The following TMEM74 variants were observed in gnomAD, a reference collection of about 807,000 sequenced individuals.
The protein encoded by TMEM74 is transmembrane protein 74.
A neutral mutation model predicts 18.1 loss-of-function variants in TMEM74; 13 were observed. The ratio of observed to expected loss-of-function variants is 0.72; its 90% CI spans 0.47 to 1.14. TMEM74 has a LOEUF of 1.14. TMEM74 is among the 50% of genes most tolerant of loss of function. The pLI is 0.00. For missense variants in TMEM74, 372 were observed against 375.9 expected, an observed-to-expected ratio of 0.99 and a Z score of 0.09; for synonymous variants, 159 against 146.6, an observed-to-expected ratio of 1.08 and a Z score of -0.61.
intron 2 of TMEM74, among the ~76,000 whole-genome samples, chr8:108,647,624 A>G (rs2130568013): frequency 6.6e-6 from 1 of 152,264 alleles, no homozygotes; most frequent in South Asian, 2.1e-4. Flanking sequence ...ATGAAACTCT[A>G]TAATCAGAGT....
intron 1 of TMEM74, among the ~76,000 whole-genome samples, chr8:108,719,838 A>G (rs1405517593): frequency 6.6e-6 from 1 of 152,124 alleles, no homozygotes; most frequent in East Asian, 1.9e-4. Flanking sequence ...TTTGATCCAT[A>G]TTGCAAAATT....
intron 1 of TMEM74, among the ~76,000 whole-genome samples, chr8:108,752,275 C>G (rs1813911557): frequency 6.6e-6 from 1 of 152,046 alleles, no homozygotes; most frequent in African/African-American, 2.4e-5. Flanking sequence ...TTTCTCATCT[C>G]TAAGATAACA....
At chr8:108,645,246 T>C (rs1231890256) in intron 2 of TMEM74, among the ~76,000 whole-genome samples, 1 of 152,038 alleles carries the variant, frequency 6.6e-6, no homozygotes, top group Non-Finnish European at 1.5e-5. Context: ...CAAATTAGTA[T>C]AGGAACAGAA....
intron 1 of TMEM74, among the ~76,000 whole-genome samples, chr8:108,675,932 T>C (rs1229097338): frequency 6.6e-6 from 1 of 152,190 alleles, no homozygotes; most frequent in African/African-American, 2.4e-5. Flanking sequence ...ATATTATTCA[T>C]ATTAGTTATA....
intron 1 of TMEM74, among the ~76,000 whole-genome samples, chr8:108,678,716 A>T (rs1813081204): frequency 6.7e-6 from 1 of 148,654 alleles, no homozygotes. Flanking sequence ...TATAAGATTT[A>T]TTGCTTTTTA....
intron 1 of TMEM74, among the ~76,000 whole-genome samples, chr8:108,770,537 T>TA (rs1298525639): frequency 6.6e-6 from 1 of 152,180 alleles, no homozygotes; most frequent in East Asian, 1.9e-4. Context: ...AGCTTCCACA[T>TA]AAATTATTCA....
At chr8:108,648,340 G>A (rs1812741329) in intron 2 of TMEM74, among the ~76,000 whole-genome samples, 1 of 152,110 alleles carries the variant, frequency 6.6e-6, no homozygotes, top group Admixed American at 6.6e-5. Context: ...GGGGAAAAGA[G>A]AGATCACATG....
chr8:108,650,352 A>G (rs1812761328), intron 2 of TMEM74, among the ~76,000 whole-genome samples: 1 of 152,150 alleles, frequency 6.6e-6, no homozygotes, highest in African/African-American at 2.4e-5. Context: ...TCTATTCTCA[A>G]CACAGTATCT....
chr8:108,691,446 T>C (rs1813230067), intron 1 of TMEM74, among the ~76,000 whole-genome samples: 1 of 152,218 alleles, frequency 6.6e-6, no homozygotes, highest in African/African-American at 2.4e-5. Context: ...GTGTTCAGCA[T>C]TCCCATAGAG....
At chr8:108,777,032 A>G (rs1340648230), downstream of TMEM74, among the ~76,000 whole-genome samples, 3 of 152,204 alleles carry the variant, frequency 2.0e-5, no homozygotes, top group African/African-American at 7.2e-5. Context: ...TTATGATGGT[A>G]TACCAGAAAA....
In TMEM74 at chr8:108,780,498, C is replaced by T. The variant is rs887129063; in HGVS notation, c.*3683G>A. 6.6e-6 allele frequency among the ~76,000 whole-genome samples: 1 copy of T among 152,140 alleles called. No homozygotes were observed. The highest frequency in any genetic ancestry group is 1.5e-5 in the Non-Finnish European group (1 of 68,022). ...AGTCACTCATTTATCAAGATTAAGTCACCCCTTATACTGGGGGGACTGAGG... is the reference window on the plus strand; with the variant it reads ...AGTCACTCATTTATCAAGATTAAGTTACCCCTTATACTGGGGGGACTGAGG... On this transcript the variant is annotated 3_prime_UTR_variant, in exon 2 of 2. Coordinates refer to ENST00000297459, the MANE Select transcript of TMEM74 (RefSeq NM_153015.3).
chr8:108,676,223 G>T (rs1203677983), intron 1 of TMEM74, among the ~76,000 whole-genome samples: 1 of 152,068 alleles, frequency 6.6e-6, no homozygotes, highest in Non-Finnish European at 1.5e-5. Context: ...GTCACTTCTG[G>T]GGACTTTATC....
chr8:108,743,269 G>A (rs1488923616), intron 1 of TMEM74, among the ~76,000 whole-genome samples: 1 of 152,110 alleles, frequency 6.6e-6, no homozygotes, highest in Non-Finnish European at 1.5e-5. Context: ...CGAATTTGTG[G>A]CCTTTTCTCT....
intron 1 of TMEM74, among the ~76,000 whole-genome samples, chr8:108,765,835 T>C (rs1048030803): frequency 6.6e-6 from 1 of 152,184 alleles, no homozygotes; most frequent in African/African-American, 2.4e-5. Flanking sequence ...ATACAATAAA[T>C]GGAATGATGT....
intron 2 of TMEM74, among the ~76,000 whole-genome samples, chr8:108,634,984 T>G (rs991877782): frequency 6.6e-6 from 1 of 151,972 alleles, no homozygotes; most frequent in African/African-American, 2.4e-5. Flanking sequence ...TCACGTAACA[T>G]TGTAGCTGGC....
intron 2 of TMEM74, among the ~76,000 whole-genome samples, chr8:108,614,277 A>G (rs536617611): frequency 1.3e-5 from 2 of 152,240 alleles, no homozygotes; most frequent in African/African-American, 4.8e-5. Flanking sequence ...AGCCCAAACT[A>G]AAGTCATTCC....
In TMEM74 at chr8:108,670,718, C is replaced by T. The variant is rs183207557; in HGVS notation, n.120-15281G>A. Among the ~76,000 whole-genome samples the T allele has an allele frequency of 7.6e-4, 116 of 152,062 alleles. No homozygotes were observed. The Middle Eastern group carries it at 0.017, about 22-fold the overall frequency. On this transcript the variant is annotated intron_variant and non_coding_transcript_variant, in intron 1 of 3. Coordinates refer to the TMEM74 transcript ENST00000518838. ...AAACATGAAAGATGGATGAATTTGGCGGTTTGTAACATGTTACCAGAATCT... is the reference window on the plus strand; with the variant it reads ...AAACATGAAAGATGGATGAATTTGGTGGTTTGTAACATGTTACCAGAATCT...
chr8:108,664,206 T>C (rs897286336), intron 1 of TMEM74, among the ~76,000 whole-genome samples: 1 of 152,124 alleles, frequency 6.6e-6, no homozygotes, highest in Admixed American at 6.6e-5. Context: ...AGCTGTACAT[T>C]CCTTTGGGCA....
intron 1 of TMEM74, among the ~76,000 whole-genome samples, chr8:108,734,470 C>T (rs1408018434): frequency 6.6e-6 from 1 of 152,082 alleles, no homozygotes; most frequent in Admixed American, 6.5e-5. Context: ...GTGAAGAACC[C>T]TAATATACCT....
Sources: gnomAD v4.1 joint callset for allele counts (sites outside exome capture counted in the v4.1 genomes callset) on GRCh38, gnomAD v4.1.1 for gene constraint, MANE v1.5 for transcripts, NCBI Gene and HGNC (gene_info 2026-07-23, HGNC 2026-07-21) for gene names.